Variants in ARL6 observed in about 807,000 individuals in gnomAD.
The protein encoded by ARL6 is ADP-ribosylation factor-like protein 6.
ARL6 carries 18 observed loss-of-function variants against 27.1 expected under a neutral mutation model. That is an observed-to-expected ratio of 0.66 (90% confidence interval 0.46 to 0.98). The LOEUF is 0.98. Ranked by LOEUF, ARL6 falls within the 50% of genes least tolerant of loss-of-function variation. The pLI is 0.00. For missense variants in ARL6, 187 were observed against 214.9 expected (o/e 0.87, Z 0.81); for synonymous variants, 65 against 72.3 (o/e 0.90, Z 0.51).
At chr3:97,783,637 A>G (rs1045098485) in intron 4 of ARL6, among the ~76,000 whole-genome samples, 4 of 151,760 alleles carry the variant, frequency 2.6e-5, no homozygotes, top group Admixed American at 2.6e-4. Flanking sequence ...TGTACTGGTA[A>G]TGTATGTCTG....
chr3:97,777,310 A>G (rs1384597144), intron 2 of ARL6, among the ~76,000 whole-genome samples: 1 of 152,120 alleles, frequency 6.6e-6, no homozygotes, highest in Non-Finnish European at 1.5e-5. Flanking sequence ...TTGTTCCACT[A>G]AGGCAATACG....
intron 4 of ARL6, among the ~76,000 whole-genome samples, chr3:97,783,326 T>A (rs1455438283): frequency 1.3e-5 from 2 of 151,810 alleles, no homozygotes; most frequent in Non-Finnish European, 3.0e-5. Flanking sequence ...GTATCTTGCT[T>A]TTTTCAGTTA....
chr3:97,786,151 G>C (rs186239614), intron 5 of ARL6, among the ~76,000 whole-genome samples: 16 of 152,050 alleles, frequency 1.1e-4, no homozygotes, highest in African/African-American at 3.6e-4. Flanking sequence ...AGGAGTTCGA[G>C]ACCAGCCTGG....
In ARL6 at chr3:97,800,168, C is replaced by A. The variant is rs1002366190; in HGVS notation, c.*2119C>A. On this transcript the variant is annotated 3_prime_UTR_variant, in exon 8 of 8. Coordinates refer to ENST00000463745, the MANE Select transcript of ARL6 (RefSeq NM_001278293.3). ...CAAATATTTAGAAGAAGGAGAAGTA[C>A]CCTTTTTCTTTGTTTTCATGATCTC... 1.3e-5 allele frequency: 2 copies of A among 151,962 alleles called. No individual in the cohort carries two copies. Among genetic ancestry groups the A allele is most frequent in the African/African-American group, 4.8e-5 (2 of 41,388 alleles). The allele number at this position is 151,962 out of a possible 1,614,324, so 9.4% of individuals were successfully genotyped here. A position where few individuals can be genotyped will look rare whatever the true frequency, so the allele number is the denominator to read the frequency against.
intron 2 of ARL6, 124 bp downstream of exon 2, chr3:97,768,354 T>A: frequency 1.1e-6 from 1 of 941,598 alleles, no homozygotes; most frequent in Non-Finnish European, 1.6e-6. Context: ...AACCTTTCAG[T>A]ACCTTTAAGT....
At chr3:97,790,752 A>G (rs2037694450) in intron 6 of ARL6, among the ~76,000 whole-genome samples, 1 of 152,084 alleles carries the variant, frequency 6.6e-6, no homozygotes, top group Admixed American at 6.6e-5. Context: ...TAATTCTATG[A>G]TAAGCCATAT....
chr3:97,786,822 A>C (rs1249544496), intron 5 of ARL6, among the ~76,000 whole-genome samples: 2 of 152,186 alleles, frequency 1.3e-5, no homozygotes, highest in Non-Finnish European at 2.9e-5. Flanking sequence ...CAAAAACATA[A>C]ATTTAAACAT....
At chr3:97,770,926 T>C (rs1444996343) in intron 2 of ARL6, among the ~76,000 whole-genome samples, 1 of 152,184 alleles carries the variant, frequency 6.6e-6, no homozygotes, top group East Asian at 1.9e-4. Context: ...ATCATGGCTT[T>C]GTAGTATAGT....
intron 5 of ARL6, among the ~76,000 whole-genome samples, chr3:97,786,125 T>C (rs796897050): frequency 0.012 from 1,807 of 151,362 alleles, 24 homozygotes; most frequent in African/African-American, 0.041. Context: ...TACAGGCGGG[T>C]GGATCACTTG....
chr3:97,772,496 G>A (rs769521465), intron 2 of ARL6, among the ~76,000 whole-genome samples: 1 of 150,076 alleles, frequency 6.7e-6, no homozygotes, highest in African/African-American at 2.5e-5. Context: ...TATGTTTTTA[G>A]TCTCACTTTC....
intron 2 of ARL6, among the ~76,000 whole-genome samples, chr3:97,776,906 G>A (rs573095885): frequency 2.4e-4 from 37 of 152,246 alleles, no homozygotes; most frequent in African/African-American, 8.7e-4. Context: ...TGACCTACCC[G>A]CCTTGCCCTC....
In ARL6 at chr3:97,768,092, A is replaced by ATATTTGAATCACATTATGGGATTGC. The variant is rs1417632293; in HGVS notation, c.-13_12dup. 3 of 1,612,370 alleles carry ATATTTGAATCACATTATGGGATTGC rather than the reference A, an allele frequency of 1.9e-6. No homozygotes were observed. The highest frequency in any genetic ancestry group is 2.5e-6 in the Non-Finnish European group (3 of 1,178,776). Reference sequence around the variant, plus strand: ...TTTCTTAATTGCAGCTGGTTTGTAAATATTTGAATCACATTATGGGATTGC... The same window carrying ATATTTGAATCACATTATGGGATTGC: ...TTTCTTAATTGCAGCTGGTTTGTAAATATTTGAATCACATTATGGGATTGCTATTTGAATCACATTATGGGATTGC... On this transcript the variant is annotated 5_prime_UTR_variant, in exon 2 of 8. The change creates a new upstream start codon in the 5' untranslated region. Coordinates refer to ENST00000463745, the MANE Select transcript of ARL6 (RefSeq NM_001278293.3).
intron 4 of ARL6, among the ~76,000 whole-genome samples, chr3:97,782,902 T>C (rs1176238357): frequency 1.3e-5 from 2 of 151,216 alleles, no homozygotes; most frequent in African/African-American, 4.8e-5. Context: ...AAGTTCTTAG[T>C]GGATTATGCA....
intron 6 of ARL6, among the ~76,000 whole-genome samples, chr3:97,790,051 TTGTGTGTGTGTG>T (rs3058067): frequency 1.5e-4 from 21 of 137,068 alleles, no homozygotes; most frequent in African/African-American, 4.7e-4. Context: ...GGCATCATGA[TTGTGTGTGTGTG>T]TGTGTGTGTG....
intron 2 of ARL6, among the ~76,000 whole-genome samples, chr3:97,771,426 G>A (rs1429432474): frequency 6.6e-6 from 1 of 151,898 alleles, no homozygotes; most frequent in South Asian, 2.1e-4. Flanking sequence ...GAGTCTTCAG[G>A]TTTTTCTAAA....
intron 6 of ARL6, among the ~76,000 whole-genome samples, chr3:97,789,078 G>C (rs1164206924): frequency 6.6e-6 from 1 of 152,162 alleles, no homozygotes; most frequent in East Asian, 1.9e-4. Context: ...TTAGGAACTA[G>C]TTTTGGCGCT....
chr3:97,788,458 C>T (rs1393793054), intron 6 of ARL6, among the ~76,000 whole-genome samples: 1 of 152,038 alleles, frequency 6.6e-6, no homozygotes, highest in Non-Finnish European at 1.5e-5. Flanking sequence ...ACTTGTATCC[C>T]CCTCCTTTGA....
chr3:97,774,183 G>C (rs760525288), intron 2 of ARL6, among the ~76,000 whole-genome samples: 18 of 152,308 alleles, frequency 1.2e-4, no homozygotes, highest in Non-Finnish European at 2.1e-4. Context: ...GGAGGAGCCT[G>C]TTCTCCAGAT....
chr3:97,778,632 G>A (rs938287735), intron 2 of ARL6, among the ~76,000 whole-genome samples: 1 of 152,100 alleles, frequency 6.6e-6, no homozygotes, highest in African/African-American at 2.4e-5. Context: ...TGAAATCAGT[G>A]AGCATGTAAT....
Sources: allele counts gnomAD v4.1 joint callset (sites outside exome capture counted in the v4.1 genomes callset), GRCh38; gene constraint gnomAD v4.1.1; transcripts MANE v1.5; gene names NCBI Gene and HGNC (gene_info 2026-07-23, HGNC 2026-07-21).